SLC4A10: variants seen among roughly 807,000 people sequenced by gnomAD.
SLC4A10 encodes solute carrier family 4 member 10.
In SLC4A10, 42 loss-of-function variants were observed where a neutral mutation model predicts 137.7. That is an observed-to-expected ratio of 0.30 (90% CI 0.24 to 0.39). The LOEUF is 0.39. Ranked by LOEUF, SLC4A10 falls within the 10% of genes least tolerant of loss-of-function variation. SLC4A10 has a pLI of 1.00. For missense variants in SLC4A10, 925 were observed against 1,355.0 expected, an observed-to-expected ratio of 0.68 and a Z score of 4.98; for synonymous variants, 474 against 464.1, an observed-to-expected ratio of 1.02 and a Z score of -0.27.
At chr2:161,960,088 GT>G (rs1370786558) in intron 21 of SLC4A10, among the ~76,000 whole-genome samples, 5 of 152,032 alleles carry the variant, frequency 3.3e-5, no homozygotes, top group African/African-American at 1.2e-4. Context: ...GAGGGGTTGA[GT>G]GTGGTGTGGC....
chr2:161,734,986 A>G (rs930128214), intron 1 of SLC4A10, among the ~76,000 whole-genome samples: 4 of 151,868 alleles, frequency 2.6e-5, no homozygotes, highest in Non-Finnish European at 5.9e-5. Context: ...TCTTGCCACC[A>G]TGTAAGATGT....
intron 3 of SLC4A10, among the ~76,000 whole-genome samples, chr2:161,822,749 CAGATCACTTG>C (rs556973088): frequency 2.6e-3 from 398 of 152,210 alleles, no homozygotes; most frequent in African/African-American, 9.1e-3. Flanking sequence ...CCTAGAAACA[CAGATCACTTG>C]AGGCCAGGAG....
rs138391346 is a variant in SLC4A10, at chr2:161,876,082, T to G, written c.948+2077T>G. The stretch of plus-strand genomic sequence containing the variant: ...ATGTAACTGTTTCTCATCCACAGAT[T>G]AAGTATCAAAGGCCCAGAAAGAAAT... On this transcript the variant is annotated intron_variant, in intron 8 of 26. Transcript: ENST00000446997. Among the ~76,000 whole-genome samples, 190 of 152,288 alleles carry G rather than the reference T, an allele frequency of 1.2e-3. 1 individual carries two copies. The highest frequency in any genetic ancestry group is 4.4e-3 in the African/African-American group (183 of 41,564).
chr2:161,839,179 C>G (rs1002039455), intron 3 of SLC4A10, among the ~76,000 whole-genome samples: 11 of 152,214 alleles, frequency 7.2e-5, no homozygotes, highest in African/African-American at 2.4e-5. Context: ...ATCTCAAAAT[C>G]TCAAAGGCAT....
At chr2:161,913,492 G>A (rs924135216) in intron 15 of SLC4A10, among the ~76,000 whole-genome samples, 1 of 152,128 alleles carries the variant, frequency 6.6e-6, no homozygotes, top group African/African-American at 2.4e-5. Context: ...TTATAACTAT[G>A]TTGCAATTTC....
intron 15 of SLC4A10, among the ~76,000 whole-genome samples, chr2:161,927,928 T>G (rs1402015125): frequency 1.3e-5 from 2 of 151,718 alleles, no homozygotes. Flanking sequence ...TTGGTGGGAC[T>G]GTAAACTAGT....
intron 1 of SLC4A10, among the ~76,000 whole-genome samples, chr2:161,630,649 T>C (rs909529668): frequency 6.6e-6 from 1 of 151,762 alleles, no homozygotes; most frequent in Non-Finnish European, 1.5e-5. Flanking sequence ...CACTATTATA[T>C]AGTCTCTATT....
At chr2:161,690,685 A>G (rs2041891734) in intron 1 of SLC4A10, among the ~76,000 whole-genome samples, 1 of 152,214 alleles carries the variant, frequency 6.6e-6, no homozygotes, top group Non-Finnish European at 1.5e-5. Flanking sequence ...AAACTAAAAC[A>G]GGAGCAGAAA....
At chr2:161,863,141 T>A in intron 6 of SLC4A10, 79 bp downstream of exon 6, 2 of 1,266,394 alleles carry the variant, frequency 1.6e-6, no homozygotes, top group Non-Finnish European at 2.1e-6. Context: ...CTTTTAAAAC[T>A]TGTTTTATTT....
intron 1 of SLC4A10, among the ~76,000 whole-genome samples, chr2:161,747,640 G>C (rs1324292510): frequency 2.0e-5 from 3 of 152,044 alleles, no homozygotes; most frequent in East Asian, 1.9e-4. Context: ...CTCCACCTCT[G>C]TCTCCCCCAC....
intron 3 of SLC4A10, among the ~76,000 whole-genome samples, chr2:161,818,211 G>T (rs554017999): frequency 6.6e-6 from 1 of 152,154 alleles, no homozygotes; most frequent in East Asian, 1.9e-4. Context: ...TTTTAAGTTG[G>T]AGTTCTAGGT....
intron 2 of SLC4A10, among the ~76,000 whole-genome samples, chr2:161,797,557 C>G (rs1298792779): frequency 6.6e-6 from 1 of 151,084 alleles, no homozygotes; most frequent in African/African-American, 2.4e-5. Flanking sequence ...TACTGATTTG[C>G]ACTCCTGGCT....
intron 3 of SLC4A10, among the ~76,000 whole-genome samples, chr2:161,821,334 G>A (rs1483976280): frequency 6.6e-6 from 1 of 152,068 alleles, no homozygotes; most frequent in Non-Finnish European, 1.5e-5. Flanking sequence ...TCCATTATAT[G>A]TTTTAGTATA....
At chr2:161,715,369 A>C (rs2044734773) in intron 1 of SLC4A10, among the ~76,000 whole-genome samples, 2 of 152,112 alleles carry the variant, frequency 1.3e-5, no homozygotes, top group Non-Finnish European at 2.9e-5. Flanking sequence ...GTTCTGGGAT[A>C]CATGTGCAGG....
intron 1 of SLC4A10, among the ~76,000 whole-genome samples, chr2:161,694,190 C>G (rs1250398385): frequency 6.6e-6 from 1 of 151,836 alleles, no homozygotes; most frequent in Non-Finnish European, 1.5e-5. Flanking sequence ...ATAAATAAAT[C>G]AAAATTGTAA....
chr2:161,824,810 A>G (rs2057904715), intron 3 of SLC4A10, among the ~76,000 whole-genome samples: 1 of 152,168 alleles, frequency 6.6e-6, no homozygotes, highest in African/African-American at 2.4e-5. Context: ...AGAGAAATGA[A>G]AAAGCGAAAA....
At chr2:161,658,943 A>C (rs961509996) in intron 1 of SLC4A10, among the ~76,000 whole-genome samples, 3 of 152,142 alleles carry the variant, frequency 2.0e-5, no homozygotes, top group African/African-American at 7.2e-5. Flanking sequence ...TGCCACTTAC[A>C]TGCTGTTGGT....
At chr2:161,878,652 GAGA>G (rs1199448735) in intron 8 of SLC4A10, among the ~76,000 whole-genome samples, 30 of 152,186 alleles carry the variant, frequency 2.0e-4, no homozygotes, top group African/African-American at 7.0e-4. Context: ...AACTAGAAAA[GAGA>G]AGAAGGTTAA....
intron 26 of SLC4A10, among the ~76,000 whole-genome samples, chr2:161,978,298 G>T (rs1341871688): frequency 6.7e-6 from 1 of 148,648 alleles, no homozygotes; most frequent in Non-Finnish European, 1.5e-5. Context: ...GAGGCAGGAG[G>T]ATCGCTTGAG....
Sources: allele counts gnomAD v4.1 joint callset (sites outside exome capture counted in the v4.1 genomes callset), GRCh38; gene constraint gnomAD v4.1.1; transcripts MANE v1.5; gene names NCBI Gene and HGNC (gene_info 2026-07-23, HGNC 2026-07-21).